Variants in TIAM2 observed in about 807,000 individuals in gnomAD.
TIAM2 encodes rho guanine nucleotide exchange factor TIAM2.
Under a neutral mutation model 152.9 loss-of-function variants are expected in TIAM2, and 80 were observed. The observed-to-expected ratio is 0.52, with a 90% CI of 0.44 to 0.63. The LOEUF (loss-of-function observed/expected upper bound fraction) is 0.63, where lower values mean the gene tolerates loss of function less well. Ranked by LOEUF, TIAM2 falls within the 30% of genes least tolerant of loss-of-function variation. The probability of loss-of-function intolerance (pLI) is 0.00; values close to 1 mark genes in which losing one functional copy is unlikely to be tolerated. For missense variants in TIAM2, 1,965 were observed against 2,120.1 expected (o/e 0.93, Z 1.44); for synonymous variants, 804 against 838.0 (o/e 0.96, Z 0.70).
chr6:155,027,470 T>C (rs1413267964), intron 1 of TIAM2, among the ~76,000 whole-genome samples: 1 of 80,820 alleles, frequency 1.2e-5, no homozygotes, highest in Non-Finnish European at 2.4e-5. Context: ...ATATACTATA[T>C]ATAATATATA....
intron 9 of TIAM2, among the ~76,000 whole-genome samples, 190 bp from the exon 10 acceptor site, chr6:155,176,626 T>A: frequency 6.6e-6 from 1 of 152,232 alleles, no homozygotes; most frequent in East Asian, 1.9e-4. Flanking sequence ...CTGCTTCCCA[T>A]GGCTGCAGTT....
chr6:155,080,430 A>C (rs1421283217), intron 1 of TIAM2, among the ~76,000 whole-genome samples: 1 of 151,586 alleles, frequency 6.6e-6, no homozygotes, highest in African/African-American at 2.4e-5. Context: ...TAGGTAAAGC[A>C]ACATGGCATC....
At chr6:155,148,357 T>C (rs767843130) in intron 7 of TIAM2, 23 bp downstream of exon 7, 1 of 1,597,416 alleles carries the variant, frequency 6.3e-7, no homozygotes, top group Non-Finnish European at 8.5e-7. Flanking sequence ...TACACCTGAG[T>C]TTTCTTCCAT....
At chr6:155,015,859 C>T (rs1778566454) in intron 1 of TIAM2, among the ~76,000 whole-genome samples, 1 of 149,822 alleles carries the variant, frequency 6.7e-6, no homozygotes, top group African/African-American at 2.5e-5. Flanking sequence ...ATCTCTTGAA[C>T]CCAGGAGGCG....
chr6:155,256,937 G>A lies in TIAM2; in HGVS notation c.4922G>A (p.Ser1641Asn). ...TGCCCCATTAAACGAAAAGCCAACA[G>A]CACCAAGAGGGACAGAGGAACTTTG... ...HFCPIKRKANSTKRDRGTLLK... is the reference protein window; with the variant it reads ...HFCPIKRKANNTKRDRGTLLK... The change falls in exon 27 of 27, where the codon AGC (serine) becomes AAC (asparagine). Residue 1641 changes from serine (S) to asparagine (N), a missense_variant. By Grantham distance (46) the Ser-to-Asn change is conservative. Around this residue, in one of 3 missense-constraint regions of TIAM2, gnomAD observed 935 missense variants for 980.0 expected, o/e 0.95. Transcript: ENST00000682666. 1.2e-6 allele frequency: 2 copies of A among 1,614,190 alleles called. No homozygotes were observed. Among genetic ancestry groups the A allele is most frequent in the African/African-American group, 1.3e-5 (1 of 75,058 alleles).
intron 1 of TIAM2, among the ~76,000 whole-genome samples, chr6:155,032,920 A>G (rs1776852477): frequency 6.6e-6 from 1 of 152,230 alleles, no homozygotes; most frequent in African/African-American, 2.4e-5. Flanking sequence ...ATATAAAAGA[A>G]TCATTTCCCC....
intron 1 of TIAM2, among the ~76,000 whole-genome samples, chr6:155,007,152 A>AAATGC (rs1241913925): frequency 6.6e-6 from 1 of 152,142 alleles, no homozygotes; most frequent in Non-Finnish European, 1.5e-5. Context: ...TAGGGCATTC[A>AAATGC]GTGTGTGGAG....
chr6:155,172,699 T>C (rs1380647660), intron 9 of TIAM2, among the ~76,000 whole-genome samples: 1 of 81,668 alleles, frequency 1.2e-5, no homozygotes, highest in African/African-American at 4.8e-5. Context: ...TTTTTTTTTT[T>C]TTTTTTTTTT....
intron 14 of TIAM2, among the ~76,000 whole-genome samples, chr6:155,200,436 A>G (rs923327385): frequency 6.6e-6 from 1 of 152,144 alleles, no homozygotes; most frequent in Non-Finnish European, 1.5e-5. Flanking sequence ...ATCTACCCTG[A>G]CTTCCTTATC....
At chr6:155,052,305 A>G (rs753921828) in intron 1 of TIAM2, among the ~76,000 whole-genome samples, 1 of 152,242 alleles carries the variant, frequency 6.6e-6, no homozygotes. Flanking sequence ...TTAGCATAAT[A>G]TCAATGATTT....
In TIAM2 at chr6:155,256,391, T is replaced by TATA. The variant is rs1397222122; in HGVS notation, c.4469-93_4469-92insATA. On this transcript the variant is annotated intron_variant, in intron 26 of 26. Coordinates refer to ENST00000682666, the MANE Select transcript of TIAM2 (RefSeq NM_012454.4). ...TGAAGTCATATCATAAAATAAAATC[T>TATA]TAATGTTAAATCTTACACAAGCTTT... 1.7e-5 allele frequency: 26 copies of TATA among 1,552,546 alleles called. No homozygotes were observed. In the African/African-American group the frequency reaches 3.0e-4, roughly 18 times the overall value.
At chr6:155,109,144 C>A (rs4870351) in intron 2 of TIAM2, among the ~76,000 whole-genome samples, 170 of 152,048 alleles carry the variant, frequency 1.1e-3, no homozygotes, top group Non-Finnish European at 2.2e-3. Context: ...CCACCACACC[C>A]GGCTAATTTT....
intron 15 of TIAM2, among the ~76,000 whole-genome samples, chr6:155,227,958 GC>G (rs1782306383): frequency 6.6e-6 from 1 of 152,224 alleles, no homozygotes; most frequent in South Asian, 2.1e-4. Context: ...AGAGCAGAGT[GC>G]TTGGTCTGTA....
intron 22 of TIAM2, 143 bp from the exon 23 acceptor site, chr6:155,251,802 A>G (rs1783673554): frequency 1.5e-6 from 1 of 669,578 alleles, no homozygotes; most frequent in African/African-American, 1.8e-5. Context: ...GGGAAGTACC[A>G]TTTATTCACT....
intron 4 of TIAM2, 133 bp from the exon 5 acceptor site, chr6:155,137,044 G>A (rs1371992010): frequency 2.1e-6 from 2 of 943,764 alleles, no homozygotes; most frequent in South Asian, 1.8e-5. Flanking sequence ...GGTTAAAGAT[G>A]TATTTTTGTT....
Position 155,148,176 on chromosome 6 carries a change from G to A in TIAM2, c.1870G>A (p.Ala624Thr). 6.2e-7 allele frequency: 1 copy of A among 1,613,564 alleles called. No individual in the cohort carries two copies. The highest frequency in any genetic ancestry group is 8.5e-7 in the Non-Finnish European group (1 of 1,179,990). The change falls in exon 7 of 27, where the codon GCA (alanine) becomes ACA (threonine). Residue 624 changes from alanine to threonine, a missense_variant. This residue lies in a region of TIAM2 where 1,025 missense variants were observed against 1,119.4 expected (regional missense o/e 0.92). Transcript: ENST00000682666. The stretch of plus-strand genomic sequence containing the variant: ...ACACTCTGCTTGTGCATCCCTTTTT[G>A]CAAAGAAGCATGGGAAAGAGGACAC... Reference protein sequence around the residue: ...AVHSACASLFAKKHGKEDTLR... With the variant: ...AVHSACASLFTKKHGKEDTLR...
chr6:155,221,298 C>A (rs1782037307), intron 15 of TIAM2, among the ~76,000 whole-genome samples: 3 of 152,102 alleles, frequency 2.0e-5, no homozygotes, highest in Admixed American at 6.5e-5. Flanking sequence ...GGAATGCTGG[C>A]TCTGAAATTA....
At chr6:154,997,629 A>AT (rs57280691) in intron 1 of TIAM2, among the ~76,000 whole-genome samples, 5,151 of 62,102 alleles carry the variant, frequency 0.083, 957 homozygotes, top group African/African-American at 0.21. Context: ...GAAAGAATGG[A>AT]TTTTTTTTTT....
intron 2 of TIAM2, among the ~76,000 whole-genome samples, chr6:155,127,139 G>A (rs1465870796): frequency 3.3e-5 from 5 of 152,164 alleles, no homozygotes; most frequent in Admixed American, 6.5e-5. Context: ...GCCACCTCTC[G>A]TCACACAGCC....
Sources: gnomAD v4.1 joint callset for allele counts (sites outside exome capture counted in the v4.1 genomes callset) on GRCh38, gnomAD v4.1.1 for gene constraint, gnomAD v4.1.1 regional missense constraint, MANE v1.5 for transcripts, NCBI Gene and HGNC (gene_info 2026-07-23, HGNC 2026-07-21) for gene names.